Variants in LARP4B observed in about 807,000 individuals in gnomAD.
LARP4B encodes the protein La ribonucleoprotein 4B.
In LARP4B, 12 loss-of-function variants were observed where a neutral mutation model predicts 89.8. The ratio of observed to expected loss-of-function variants is 0.13; its 90% CI spans 0.09 to 0.22. LARP4B has a LOEUF of 0.22. LARP4B is among the 10% of genes least tolerant of loss of function. The probability of loss-of-function intolerance (pLI) is 1.00; values close to 1 mark genes in which losing one functional copy is unlikely to be tolerated. For missense variants in LARP4B, 757 were observed against 947.7 expected (o/e 0.80, Z 2.64); for synonymous variants, 367 against 363.3 (o/e 1.01, Z -0.12).
rs551768557 is a variant in LARP4B at position 916,712 on chromosome 10, TAAAG to T, written c.-40+14712_-40+14715del. On this transcript the variant is annotated intron_variant, in intron 1 of 17. Coordinates refer to ENST00000316157, the MANE Select transcript of LARP4B (RefSeq NM_015155.3). ...CTCCGTCTCAAAACAAACAAATAAA[TAAAG>T]AGACAAGGTCTTGCTCTGTTGTGCA... Among the ~76,000 whole-genome samples the T allele has an allele frequency of 1.8e-3, 275 of 152,226 alleles. 1 individual carries two copies. The highest frequency in any genetic ancestry group is 6.5e-3 in the African/African-American group (269 of 41,548).
intron 7 of LARP4B, among the ~76,000 whole-genome samples, chr10:839,861 T>G (rs959887926): frequency 2.0e-5 from 3 of 152,110 alleles, no homozygotes; most frequent in Non-Finnish European, 4.4e-5. Flanking sequence ...CCACAGCAAT[T>G]TGTAGTGGTC....
chr10:832,453 A>G (rs1340010992), intron 8 of LARP4B, among the ~76,000 whole-genome samples: 1 of 152,244 alleles, frequency 6.6e-6, no homozygotes, highest in African/African-American at 2.4e-5. Context: ...CTTTCTGAAG[A>G]AAAGGACAAA....
At position 836,423 on chromosome 10, in the gene LARP4B, A is replaced by G. The variant is rs1445416939; in HGVS notation, c.730T>C (p.Ser244Pro). The G allele has an allele frequency of 1.9e-6, 3 of 1,610,210 alleles. No homozygotes were observed. The highest frequency in any genetic ancestry group is 1.1e-5 in the South Asian group (1 of 90,734). ...CTTACTTCCACGGGGGTAGATTCAG[A>G]TATTTCACGCAATATTACTATGCAG... ...NRCIVILREI[S>P]ESTPVEEVEA... Residue 244 changes from serine to proline, a missense_variant, in exon 8 of 18, where the codon TCT becomes CCT. Physicochemically the swap from Ser to Pro is moderately conservative, Grantham distance 74. This residue lies in a region of LARP4B where 137 missense variants were observed against 213.9 expected (regional missense o/e 0.64). Coordinates refer to ENST00000316157, the MANE Select transcript of LARP4B (RefSeq NM_015155.3).
chr10:900,807 C>T lies in LARP4B; in HGVS notation c.-39-15047G>A, dbSNP rs181753174. Reference sequence around the variant, plus strand: ...GCTAATTTTTGTATGTTTAGAGAGACGATGTTTCACCACACTGGCCAGGCT... The same window carrying T: ...GCTAATTTTTGTATGTTTAGAGAGATGATGTTTCACCACACTGGCCAGGCT... On this transcript the variant is annotated intron_variant, in intron 1 of 17. Transcript: ENST00000316157. Among the ~76,000 whole-genome samples the T allele has an allele frequency of 3.9e-4, 58 of 150,266 alleles. No individual in the cohort carries two copies. The East Asian group carries it at 0.011, about 28-fold the overall frequency.
chr10:912,366 T>A (rs905326028), intron 1 of LARP4B, among the ~76,000 whole-genome samples: 1 of 152,102 alleles, frequency 6.6e-6, no homozygotes, highest in African/African-American at 2.4e-5. Context: ...TTTACAAATT[T>A]GTGTTGGGCC....
the LARP4B span, among the ~76,000 whole-genome samples, chr10:982,069 C>G: frequency 6.8e-6 from 1 of 147,538 alleles, no homozygotes; most frequent in Non-Finnish European, 1.5e-5. Flanking sequence ...TTTTTTTGAT[C>G]TGCTACTTCT....
the LARP4B span, among the ~76,000 whole-genome samples, chr10:966,362 G>A: frequency 6.6e-6 from 1 of 152,104 alleles, no homozygotes; most frequent in Non-Finnish European, 1.5e-5. Context: ...AGGCTGAGGT[G>A]GGAGGATCAC....
chr10:930,546 C>T (rs1021396361), intron 1 of LARP4B, among the ~76,000 whole-genome samples: 4 of 152,182 alleles, frequency 2.6e-5, no homozygotes, highest in African/African-American at 9.7e-5. Flanking sequence ...AGCAAAATTA[C>T]ATTCGCATGA....
chr10:909,012 C>A (rs928816185), intron 1 of LARP4B, among the ~76,000 whole-genome samples: 1 of 151,880 alleles, frequency 6.6e-6, no homozygotes, highest in Non-Finnish European at 1.5e-5. Context: ...TTCCAAGTTG[C>A]GGCCAGGCGC....
At chr10:808,861 A>G (rs1831641442), downstream of LARP4B, 1 of 152,158 alleles carries the variant, frequency 6.6e-6, no homozygotes, top group Non-Finnish European at 1.5e-5. Flanking sequence ...GAGAAGATTG[A>G]TAGATTTTAC....
the LARP4B span, chr10:988,339 A>C: frequency 1.5e-6 from 1 of 684,022 alleles, no homozygotes; most frequent in Non-Finnish European, 2.5e-6. Flanking sequence ...CGACGCGGAA[A>C]GCGCCGTAGA....
upstream of LARP4B, among the ~76,000 whole-genome samples, chr10:935,691 ATTCTT>A (rs1830740524): frequency 6.8e-6 from 1 of 146,702 alleles, no homozygotes; most frequent in South Asian, 2.2e-4. Context: ...GTCTGAGAAC[ATTCTT>A]TTCTTTTTCT....
the LARP4B span, among the ~76,000 whole-genome samples, chr10:961,580 G>C: frequency 1.4e-5 from 2 of 138,058 alleles, no homozygotes; most frequent in Admixed American, 6.9e-5. Flanking sequence ...CTTCTGGGGA[G>C]GCCTCGGGAA....
chr10:809,577 C>T lies in LARP4B; in HGVS notation c.*3349G>A, dbSNP rs1378207041. The T allele has an allele frequency of 6.6e-6, 1 of 152,436 alleles. No homozygotes were observed. The highest frequency in any genetic ancestry group is 6.5e-5 in the Admixed American group (1 of 15,284). The allele number at this position is 152,436 out of a possible 1,614,324, so 9.4% of individuals were successfully genotyped here. On this transcript the variant is annotated 3_prime_UTR_variant, in exon 18 of 18. Transcript: ENST00000316157. ...CCTAAATCTTTATTTTCATAACCTA[C>T]ATTTTTTTTCAAATTAGACAGTTTT... is the stretch of plus-strand genomic sequence containing the variant.
rs1483546231 is a variant in LARP4B at position 809,598 on chromosome 10, G to C, written c.*3328C>G. On this transcript the variant is annotated 3_prime_UTR_variant, in exon 18 of 18. Coordinates refer to ENST00000316157, the MANE Select transcript of LARP4B (RefSeq NM_015155.3). ...CCTACATTTTTTTTCAAATTAGACAGTTTTACACTGAATGACACAAAAGGA... is the reference window on the plus strand; with the variant it reads ...CCTACATTTTTTTTCAAATTAGACACTTTTACACTGAATGACACAAAAGGA... 6.6e-6 allele frequency: 1 copy of C among 152,418 alleles called. No individual in the cohort carries two copies. Among genetic ancestry groups the C allele is most frequent in the Non-Finnish European group, 1.5e-5 (1 of 68,010 alleles). The allele number at this position is 152,418 out of a possible 1,614,324, so 9.4% of individuals were successfully genotyped here.
At chr10:926,220 G>A (rs1241537067) in intron 1 of LARP4B, among the ~76,000 whole-genome samples, 3 of 152,354 alleles carry the variant, frequency 2.0e-5, no homozygotes, top group Admixed American at 6.5e-5. Context: ...TTAATTATGT[G>A]CTAAGTAACA....
intron 11 of LARP4B, among the ~76,000 whole-genome samples, chr10:827,259 G>C (rs1832680520): frequency 7.5e-6 from 1 of 133,154 alleles, no homozygotes; most frequent in Middle Eastern, 3.6e-3. Context: ...CTGGGCGACA[G>C]AGAGAGACTC....
chr10:927,859 T>A (rs1308539523), intron 1 of LARP4B, among the ~76,000 whole-genome samples: 1 of 152,156 alleles, frequency 6.6e-6, no homozygotes, highest in African/African-American at 2.4e-5. Flanking sequence ...GAAAAGAATA[T>A]CCCTAAATCT....
At chr10:868,283 G>C (rs1327266157) in intron 3 of LARP4B, among the ~76,000 whole-genome samples, 2 of 149,164 alleles carry the variant, frequency 1.3e-5, no homozygotes, top group African/African-American at 4.9e-5. Context: ...AAAAAGCTTA[G>C]TAATTCAGGG....
Sources: allele counts gnomAD v4.1 joint callset (sites outside exome capture counted in the v4.1 genomes callset), GRCh38; gene constraint gnomAD v4.1.1; regional missense constraint gnomAD v4.1.1; transcripts MANE v1.5; gene names NCBI Gene and HGNC (gene_info 2026-07-23, HGNC 2026-07-21).